PDCD1LG2: variants seen among roughly 807,000 people sequenced by gnomAD.
The protein encoded by PDCD1LG2 is programmed cell death 1 ligand 2.
PDCD1LG2 carries 32 observed loss-of-function variants against 28.2 expected under a neutral mutation model. The observed-to-expected ratio is 1.13, with a 90% CI of 0.86 to 1.52. PDCD1LG2 has a LOEUF of 1.52. PDCD1LG2 is among the 40% of genes most tolerant of loss of function. The probability of loss-of-function intolerance (pLI) is 0.00; values close to 1 mark genes in which losing one functional copy is unlikely to be tolerated. For synonymous variants in PDCD1LG2, 116 were observed against 120.2 expected (o/e 0.97, Z 0.23); for missense variants, 385 against 323.8 (o/e 1.19, Z -1.45).
At chr9:5,516,332 G>C (rs936432129) in intron 1 of PDCD1LG2, among the ~76,000 whole-genome samples, 1 of 152,218 alleles carries the variant, frequency 6.6e-6, no homozygotes, top group East Asian at 1.9e-4. Context: ...TTACAGGCAT[G>C]AGCCACTGAG....
At chr9:5,522,681 C>A (rs1820299021) in intron 2 of PDCD1LG2, 80 bp downstream of exon 2, 1 of 1,317,520 alleles carries the variant, frequency 7.6e-7, no homozygotes, top group Non-Finnish European at 1.1e-6. Context: ...GAGAATGTGG[C>A]CCTCAGGCTG....
intron 4 of PDCD1LG2, among the ~76,000 whole-genome samples, chr9:5,555,751 G>A (rs1456020700): frequency 1.3e-5 from 2 of 152,154 alleles, no homozygotes; most frequent in African/African-American, 2.4e-5. Flanking sequence ...GTAAACGAGT[G>A]GTGGAAAACA....
At chr9:5,524,338 G>A (rs544525510) in intron 2 of PDCD1LG2, among the ~76,000 whole-genome samples, 2 of 152,214 alleles carry the variant, frequency 1.3e-5, no homozygotes, top group Non-Finnish European at 2.9e-5. Flanking sequence ...TTGCACTGAA[G>A]TCTGAATATG....
At chr9:5,516,455 C>G (rs995588955) in intron 1 of PDCD1LG2, among the ~76,000 whole-genome samples, 1 of 152,236 alleles carries the variant, frequency 6.6e-6, no homozygotes, top group Non-Finnish European at 1.5e-5. Context: ...TTACCCCAGG[C>G]TGTGGACTCC....
Position 5,570,029 on chromosome 9 carries a change from T to C in PDCD1LG2, c.*70T>C. ...GAAGCTTCTGGACTCTGAACAAGAATTCGGTGGCCTGCAGAGCTTGCCATT... is the reference window on the plus strand; with the variant it reads ...GAAGCTTCTGGACTCTGAACAAGAACTCGGTGGCCTGCAGAGCTTGCCATT... On this transcript the variant is annotated 3_prime_UTR_variant, in exon 7 of 7. Coordinates refer to ENST00000397747, the MANE Select transcript of PDCD1LG2 (RefSeq NM_025239.4). 2.5e-6 allele frequency: 4 copies of C among 1,602,472 alleles called. No homozygotes were observed. The Middle Eastern group carries it at 5.0e-4, about 199-fold the overall frequency.
intron 2 of PDCD1LG2, among the ~76,000 whole-genome samples, chr9:5,526,926 T>A (rs1037249838): frequency 1.3e-5 from 2 of 152,136 alleles, no homozygotes; most frequent in Admixed American, 6.5e-5. Flanking sequence ...TGGTAGACAT[T>A]ATTTCCATTT....
At position 5,570,039 on chromosome 9, in the gene PDCD1LG2, T is replaced by C. The variant is rs1056264622; in HGVS notation, c.*80T>C. 8 of 1,564,030 alleles carry C rather than the reference T, an allele frequency of 5.1e-6. No homozygotes were observed. The highest frequency in any genetic ancestry group is 1.7e-4 in the Middle Eastern group (1 of 5,978). ...GACTCTGAACAAGAATTCGGTGGCC[T>C]GCAGAGCTTGCCATTTGCACTTTTC... On this transcript the variant is annotated 3_prime_UTR_variant, in exon 7 of 7. Transcript: ENST00000397747.
chr9:5,513,700 G>C (rs1820103937), intron 1 of PDCD1LG2, among the ~76,000 whole-genome samples: 1 of 152,148 alleles, frequency 6.6e-6, no homozygotes, highest in Admixed American at 6.5e-5. Flanking sequence ...TGCCACAGAT[G>C]GTTTAGAGAT....
At chr9:5,568,363 A>C (rs1816707245) in intron 6 of PDCD1LG2, among the ~76,000 whole-genome samples, 1 of 152,234 alleles carries the variant, frequency 6.6e-6, no homozygotes, top group Admixed American at 6.5e-5. Flanking sequence ...CAGCAGCAGC[A>C]TTAGATTCTC....
intron 2 of PDCD1LG2, among the ~76,000 whole-genome samples, chr9:5,526,760 G>A (rs762549844): frequency 6.6e-6 from 1 of 152,122 alleles, no homozygotes; most frequent in African/African-American, 2.4e-5. Flanking sequence ...TTTCATGAAA[G>A]AAATTGCTGA....
At chr9:5,518,413 A>G (rs1820208826) in intron 1 of PDCD1LG2, among the ~76,000 whole-genome samples, 1 of 152,252 alleles carries the variant, frequency 6.6e-6, no homozygotes, top group African/African-American at 2.4e-5. Flanking sequence ...CAGGTGATCC[A>G]AGAATCTTTT....
At chr9:5,519,029 G>A (rs1331998196) in intron 1 of PDCD1LG2, among the ~76,000 whole-genome samples, 1 of 152,192 alleles carries the variant, frequency 6.6e-6, no homozygotes, top group Non-Finnish European at 1.5e-5. Context: ...CCAAGAGAAG[G>A]GGGGCACACC....
chr9:5,535,129 G>A, intron 3 of PDCD1LG2, 79 bp downstream of exon 3: 1 of 1,330,648 alleles, frequency 7.5e-7, no homozygotes, highest in Non-Finnish European at 1.0e-6. Context: ...CCCATTAAAG[G>A]TAGCTCAAGC....
At chr9:5,558,296 C>G (rs145348834) in intron 5 of PDCD1LG2, among the ~76,000 whole-genome samples, 170 of 152,324 alleles carry the variant, frequency 1.1e-3, no homozygotes, top group African/African-American at 3.9e-3. Flanking sequence ...CAGCTCCCTT[C>G]GAGTTTCTCC....
intron 6 of PDCD1LG2, among the ~76,000 whole-genome samples, chr9:5,564,509 A>G (rs1368059775): frequency 6.6e-6 from 1 of 152,174 alleles, no homozygotes; most frequent in African/African-American, 2.4e-5. Flanking sequence ...TGACTTATCT[A>G]ATATCTTATT....
intron 1 of PDCD1LG2, among the ~76,000 whole-genome samples, chr9:5,512,278 G>A (rs962504847): frequency 9.9e-5 from 15 of 152,150 alleles, no homozygotes; most frequent in Non-Finnish European, 1.6e-4. Context: ...AGCTGGGCTC[G>A]ATAACCTTCA....
intron 2 of PDCD1LG2, among the ~76,000 whole-genome samples, chr9:5,528,737 A>C (rs541055269): frequency 1.3e-5 from 2 of 152,260 alleles, no homozygotes; most frequent in Admixed American, 1.3e-4. Context: ...AAGGTTTTAA[A>C]AATTCTCTAT....
chr9:5,559,492 C>T (rs574847766), intron 5 of PDCD1LG2, among the ~76,000 whole-genome samples: 1 of 152,246 alleles, frequency 6.6e-6, no homozygotes, highest in Admixed American at 6.5e-5. Context: ...TAGGCTGGGA[C>T]CTTGTGCTGC....
intron 1 of PDCD1LG2, among the ~76,000 whole-genome samples, chr9:5,511,187 C>T (rs763688304): frequency 7.9e-5 from 12 of 152,304 alleles, no homozygotes; most frequent in South Asian, 2.1e-4. Flanking sequence ...ATTTAGCAGA[C>T]GGTGATCCCT....
Sources: allele counts gnomAD v4.1 joint callset (sites outside exome capture counted in the v4.1 genomes callset), GRCh38; gene constraint gnomAD v4.1.1; transcripts MANE v1.5; gene names NCBI Gene and HGNC (gene_info 2026-07-23, HGNC 2026-07-21).